NPAS3: variants seen among roughly 807,000 people sequenced by gnomAD.
The protein encoded by NPAS3 is neuronal PAS domain protein 3.
In NPAS3, 14 loss-of-function variants were observed where a neutral mutation model predicts 73.1. The observed-to-expected ratio is 0.19, with a 90% CI of 0.13 to 0.30. The LOEUF (loss-of-function observed/expected upper bound fraction) is 0.30. NPAS3 is among the 10% of genes least tolerant of loss of function. The probability of loss-of-function intolerance (pLI) is 1.00; values close to 1 mark genes in which losing one functional copy is unlikely to be tolerated. For synonymous variants in NPAS3, 620 were observed against 541.5 expected, an observed-to-expected ratio of 1.14 and a Z score of -2.01; for missense variants, 1,096 against 1,250.0, an observed-to-expected ratio of 0.88 and a Z score of 1.86.
chr14:33,200,912 C>T (rs752838018), intron 2 of NPAS3, among the ~76,000 whole-genome samples: 1 of 152,170 alleles, frequency 6.6e-6, no homozygotes, highest in Non-Finnish European at 1.5e-5. Flanking sequence ...CATCTTTGCT[C>T]ATTTGCATAA....
intron 5 of NPAS3, among the ~76,000 whole-genome samples, chr14:33,589,809 A>C (rs1567034725): frequency 6.6e-6 from 1 of 152,254 alleles, no homozygotes; most frequent in African/African-American, 2.4e-5. Flanking sequence ...ATCTTCCTTT[A>C]CAGCTAATTG....
chr14:32,951,501 G>A (rs2036483246), intron 1 of NPAS3, among the ~76,000 whole-genome samples: 1 of 152,076 alleles, frequency 6.6e-6, no homozygotes, highest in African/African-American at 2.4e-5. Context: ...TGCAATGGAA[G>A]CAATAGGATG....
intron 4 of NPAS3, among the ~76,000 whole-genome samples, chr14:33,389,771 C>A (rs2202034): frequency 0.55 from 83,384 of 151,996 alleles, 23,135 homozygotes; most frequent in East Asian, 0.69. Context: ...TAAAACAACA[C>A]ATTTTCAGAT....
chr14:33,581,663 C>T (rs1408294478), intron 5 of NPAS3, among the ~76,000 whole-genome samples: 4 of 152,168 alleles, frequency 2.6e-5, no homozygotes. Flanking sequence ...CTTGACCTCC[C>T]CTGGCTTAGG....
At chr14:33,355,718 C>G (rs1042527257) in intron 3 of NPAS3, among the ~76,000 whole-genome samples, 2 of 152,142 alleles carry the variant, frequency 1.3e-5, no homozygotes, top group East Asian at 3.9e-4. Flanking sequence ...GCCTTTATAT[C>G]TTCTCTTCCC....
At chr14:33,095,329 G>C (rs528678905) in intron 2 of NPAS3, among the ~76,000 whole-genome samples, 2 of 152,156 alleles carry the variant, frequency 1.3e-5, no homozygotes, top group Non-Finnish European at 2.9e-5. Flanking sequence ...AATTATTCAG[G>C]TGGATGACAA....
At chr14:33,329,531 A>T (rs1464786975) in intron 3 of NPAS3, among the ~76,000 whole-genome samples, 2 of 152,310 alleles carry the variant, frequency 1.3e-5, no homozygotes, top group African/African-American at 4.8e-5. Context: ...AGAAATTCTC[A>T]GGTGAAAACT....
At chr14:33,046,078 GA>G (rs2040496439) in intron 1 of NPAS3, among the ~76,000 whole-genome samples, 1 of 152,192 alleles carries the variant, frequency 6.6e-6, no homozygotes, top group South Asian at 2.1e-4. Context: ...GGTGGTGGAT[GA>G]AAGATAACAC....
intron 3 of NPAS3, among the ~76,000 whole-genome samples, chr14:33,266,489 A>T (rs532990331): frequency 6.6e-6 from 1 of 152,318 alleles, no homozygotes; most frequent in East Asian, 1.9e-4. Flanking sequence ...TATGGTTGCC[A>T]TTTTACTGCT....
At chr14:33,744,304 AG>A (rs1354275547) in intron 7 of NPAS3, among the ~76,000 whole-genome samples, 1 of 152,172 alleles carries the variant, frequency 6.6e-6, no homozygotes, top group Non-Finnish European at 1.5e-5. Context: ...GTTATGTCAC[AG>A]GGAATAAGGA....
rs1013124034 is a variant in NPAS3, at chr14:33,735,201, T to C, written c.734-13T>C. 1.3e-6 allele frequency: 2 copies of C among 1,588,670 alleles called. No homozygotes were observed. Among genetic ancestry groups the C allele is most frequent in the Non-Finnish European group, 1.7e-6 (2 of 1,157,034 alleles). On this transcript the variant is annotated splice_polypyrimidine_tract_variant and intron_variant, in intron 6 of 11. Transcript: ENST00000356141. ...ATCTAAATCGTGTGTGTCTGTATTT[T>C]TGTATTCCTCAGTGGAGTCAACCAG...
intron 4 of NPAS3, among the ~76,000 whole-genome samples, chr14:33,419,009 A>G (rs992160311): frequency 1.3e-5 from 2 of 151,988 alleles, no homozygotes; most frequent in African/African-American, 4.8e-5. Flanking sequence ...GACAAATCAG[A>G]TACACACAAA....
At chr14:33,558,204 G>C (rs2055454260) in intron 4 of NPAS3, among the ~76,000 whole-genome samples, 1 of 152,106 alleles carries the variant, frequency 6.6e-6, no homozygotes, top group Non-Finnish European at 1.5e-5. Flanking sequence ...AGGGGATTGG[G>C]TGTCATCCAC....
chr14:33,098,133 C>T (rs1462079250), intron 2 of NPAS3, among the ~76,000 whole-genome samples: 3 of 152,080 alleles, frequency 2.0e-5, no homozygotes, highest in Non-Finnish European at 4.4e-5. Flanking sequence ...ATATGCATTC[C>T]ATCTAGAATT....
intron 4 of NPAS3, among the ~76,000 whole-genome samples, chr14:33,449,626 C>T (rs1473136502): frequency 6.6e-6 from 1 of 151,356 alleles, no homozygotes; most frequent in Non-Finnish European, 1.5e-5. Flanking sequence ...TACATGCACA[C>T]ACATGCACAC....
intron 4 of NPAS3, among the ~76,000 whole-genome samples, chr14:33,436,048 A>T (rs2048975964): frequency 6.6e-6 from 1 of 152,214 alleles, no homozygotes; most frequent in Non-Finnish European, 1.5e-5. Flanking sequence ...AGTCAGGCAC[A>T]TTTCTAAGAA....
At chr14:33,658,671 AAAT>A (rs779258031) in intron 5 of NPAS3, among the ~76,000 whole-genome samples, 2 of 152,182 alleles carry the variant, frequency 1.3e-5, no homozygotes, top group Non-Finnish European at 2.9e-5. Flanking sequence ...TAATTTCCTC[AAAT>A]GACTTGCAAT....
chr14:33,668,542 G>A (rs1353650380), intron 5 of NPAS3, among the ~76,000 whole-genome samples: 4 of 152,170 alleles, frequency 2.6e-5, no homozygotes, highest in Non-Finnish European at 4.4e-5. Flanking sequence ...CTGGGCTGGC[G>A]AGGTGGCGCA....
chr14:33,609,732 A>G (rs545485818), intron 5 of NPAS3, among the ~76,000 whole-genome samples: 1 of 152,092 alleles, frequency 6.6e-6, no homozygotes, highest in South Asian at 2.1e-4. Context: ...CCAGGGGCTA[A>G]TTCTTATTCT....
Sources: gnomAD v4.1 joint callset for allele counts (sites outside exome capture counted in the v4.1 genomes callset) on GRCh38, gnomAD v4.1.1 for gene constraint, MANE v1.5 for transcripts, NCBI Gene and HGNC (gene_info 2026-07-23, HGNC 2026-07-21) for gene names.